Variants in CEP126 observed in about 807,000 individuals in gnomAD.
The protein encoded by CEP126 is centrosomal protein of 126 kDa.
Under a neutral mutation model 107.8 loss-of-function variants are expected in CEP126, and 74 were observed. The ratio of observed to expected loss-of-function variants is 0.69; its 90% CI spans 0.57 to 0.83. The LOEUF (loss-of-function observed/expected upper bound fraction) is 0.83, where lower values mean the gene tolerates loss of function less well. CEP126 is among the 40% of genes least tolerant of loss of function. The pLI is 0.00. For missense variants in CEP126, 1,237 were observed against 1,281.9 expected, an observed-to-expected ratio of 0.96 and a Z score of 0.53; for synonymous variants, 449 against 446.0, an observed-to-expected ratio of 1.01 and a Z score of -0.08.
intron 4 of CEP126, among the ~76,000 whole-genome samples, chr11:101,954,532 T>C (rs1305274530): frequency 6.6e-6 from 1 of 152,194 alleles, no homozygotes. Context: ...TTTATAGAAA[T>C]GATCTTCATT....
At position 101,922,707 on chromosome 11, in the gene CEP126, A is replaced by G. The variant is rs147615496; in HGVS notation, c.195A>G (p.Lys65=). Residue 65 remains lysine (K), a synonymous_variant, in exon 2 of 11, where the codon AAA becomes AAG. Transcript: ENST00000263468. The part of the protein sequence containing the change: ...EERQILLQQQ[K]ICRNRARKYF... ...GCCAGATATTACTGCAGCAACAAAA[A>G]ATATGTCGAAATCGAGCACGTAAAT... 6.8e-6 allele frequency: 11 copies of G among 1,612,902 alleles called. No homozygotes were observed. In the African/African-American group the frequency reaches 9.3e-5, roughly 14 times the overall value.
rs1213128990 is a variant in CEP126, at chr11:101,998,509, A to C, written c.*866A>C. The C allele has an allele frequency of 7.4e-6, 1 of 135,074 alleles. No homozygotes were observed. Among genetic ancestry groups the C allele is most frequent in the Non-Finnish European group, 1.5e-5 (1 of 65,642 alleles). The allele number at this position is 135,074 out of a possible 1,614,324, so 8.4% of individuals were successfully genotyped here. ...AGGATTACTTGAGCCCAGGAGGATT[A>C]CTTCAACCTGGGAGGTTGAGGCTGC... is the stretch of plus-strand genomic sequence containing the variant. On this transcript the variant is annotated 3_prime_UTR_variant, in exon 11 of 11. Transcript: ENST00000263468.
Position 101,968,360 on chromosome 11 carries a change from G to T in CEP126, c.2845+4480G>T, listed in dbSNP as rs79293687. On this transcript the variant is annotated intron_variant, in intron 6 of 10. Transcript: ENST00000263468. ...ATATATCTTCATGCTTGTTTCCTTT[G>T]AGATAAAACTTAAATATATAAGTTA... Among the ~76,000 whole-genome samples the T allele has an allele frequency of 6.5e-3, 986 of 152,172 alleles. 11 individuals carry two copies. Among genetic ancestry groups the T allele is most frequent in the African/African-American group, 0.023 (935 of 41,506 alleles).
chr11:101,934,048 A>C (rs1940541722), intron 2 of CEP126, among the ~76,000 whole-genome samples: 1 of 151,990 alleles, frequency 6.6e-6, no homozygotes, highest in South Asian at 2.1e-4. Flanking sequence ...ACAAAGGACA[A>C]GGTATCATCT....
At chr11:101,997,456 G>A (rs1012128304) in intron 10 of CEP126, 143 bp from the exon 11 acceptor site, 15 of 1,257,104 alleles carry the variant, frequency 1.2e-5, no homozygotes, top group Non-Finnish European at 1.5e-5. Flanking sequence ...AATCTATAAA[G>A]TCCTCTGCAA....
At position 101,925,855 on chromosome 11, in the gene CEP126, A is replaced by C. The variant is rs1265693703; in HGVS notation, c.248+3095A>C. Among the ~76,000 whole-genome samples, 5 of 147,304 alleles carry C rather than the reference A, an allele frequency of 3.4e-5. No individual in the cohort carries two copies. In the East Asian group the frequency reaches 6.3e-4, roughly 18 times the overall value. On this transcript the variant is annotated intron_variant, in intron 2 of 10. Transcript: ENST00000263468. ...TTTTTAGTAAAGACGGGGTTTCGCC[A>C]CGTTGGCCAGGCTGGTCTCGAACTC...
chr11:101,920,788 T>G (rs879535858), intron 1 of CEP126, among the ~76,000 whole-genome samples: 4 of 152,060 alleles, frequency 2.6e-5, no homozygotes, highest in Non-Finnish European at 5.9e-5. Flanking sequence ...GCATTTTTTG[T>G]AGAGCCGGGG....
At chr11:101,960,057 A>G (rs1232648622) in intron 5 of CEP126, among the ~76,000 whole-genome samples, 1 of 152,234 alleles carries the variant, frequency 6.6e-6, no homozygotes, top group Non-Finnish European at 1.5e-5. Flanking sequence ...ACAAACTCCA[A>G]GAAGGATAAG....
At position 101,958,337 on chromosome 11, in the gene CEP126, C is replaced by A; in HGVS notation, c.676C>A (p.Leu226Ile). 6.2e-7 allele frequency: 1 copy of A among 1,613,862 alleles called. No homozygotes were observed. The change falls in exon 5 of 11, where the codon CTC becomes ATC. Residue 226 changes from leucine to isoleucine, a missense_variant. Leu to Ile is a conservative substitution (Grantham distance 5, BLOSUM62 2). Transcript: ENST00000263468. ...QLKLEETQKL[L>I]EDQHLSNLQK... ...TAAACTGGAGGAAACTCAGAAACTC[C>A]TCGAAGATCAACATCTAAGCAATTT... is the stretch of plus-strand genomic sequence containing the variant.
At chr11:101,988,890 T>C (rs1347312561) in intron 9 of CEP126, among the ~76,000 whole-genome samples, 1 of 152,098 alleles carries the variant, frequency 6.6e-6, no homozygotes, top group East Asian at 1.9e-4. Flanking sequence ...GCCTCAAATA[T>C]ATAAAATATT....
chr11:101,958,141 T>C (rs1225823870), intron 4 of CEP126, 27 bp from the exon 5 acceptor site: 7 of 1,597,758 alleles, frequency 4.4e-6, no homozygotes, highest in Non-Finnish European at 6.0e-6. Flanking sequence ...TTAAATGTAC[T>C]AAGCACTTTT....
At chr11:101,949,145 A>G (rs554445551) in intron 4 of CEP126, among the ~76,000 whole-genome samples, 2 of 152,330 alleles carry the variant, frequency 1.3e-5, no homozygotes, top group Non-Finnish European at 2.9e-5. Flanking sequence ...GGGCAATCAA[A>G]AGCATGATAT....
chr11:101,931,510 T>C lies in CEP126; in HGVS notation c.248+8750T>C, dbSNP rs557388494. Among the ~76,000 whole-genome samples the C allele has an allele frequency of 4.6e-5, 7 of 152,358 alleles. No homozygotes were observed. In the East Asian group the frequency reaches 1.3e-3, roughly 29 times the overall value. ...ATTATAGGCATATTGTTGGCATTAT[T>C]ATTTGTTAAAAATGGTATTTTTCAT... On this transcript the variant is annotated intron_variant, in intron 2 of 10. Transcript: ENST00000263468.
chr11:101,965,221 T>C (rs1162414053), intron 6 of CEP126, among the ~76,000 whole-genome samples: 2 of 152,166 alleles, frequency 1.3e-5, no homozygotes, highest in Non-Finnish European at 2.9e-5. Context: ...TATTGAGAAA[T>C]AGTTAGGACT....
chr11:101,939,396 G>A (rs1453719931), intron 2 of CEP126, among the ~76,000 whole-genome samples: 7 of 152,140 alleles, frequency 4.6e-5, no homozygotes, highest in East Asian at 1.9e-4. Context: ...AAATTTGTCT[G>A]GTATTAATAT....
At chr11:101,921,479 G>A (rs1167951404) in intron 1 of CEP126, among the ~76,000 whole-genome samples, 1 of 152,052 alleles carries the variant, frequency 6.6e-6, no homozygotes, top group African/African-American at 2.4e-5. Flanking sequence ...GGCCGAGGCA[G>A]GTGGATCACC....
chr11:101,994,838 C>T (rs895519898), intron 10 of CEP126, among the ~76,000 whole-genome samples: 5 of 150,768 alleles, frequency 3.3e-5, no homozygotes, highest in East Asian at 1.9e-4. Flanking sequence ...AAGTGTACAT[C>T]GGTAAGTATC....
At chr11:101,971,624 G>A (rs968506760) in intron 6 of CEP126, among the ~76,000 whole-genome samples, 1 of 152,144 alleles carries the variant, frequency 6.6e-6, no homozygotes, top group African/African-American at 2.4e-5. Context: ...TTCCTGGGCT[G>A]AGAGCTCCTC....
intron 1 of CEP126, among the ~76,000 whole-genome samples, chr11:101,920,989 T>TA (rs1291692321): frequency 2.6e-5 from 4 of 152,192 alleles, no homozygotes; most frequent in Non-Finnish European, 1.5e-5. Flanking sequence ...TTGATAAAGA[T>TA]ACTTAATAAT....
Sources: gnomAD v4.1 joint callset for allele counts (sites outside exome capture counted in the v4.1 genomes callset) on GRCh38, gnomAD v4.1.1 for gene constraint, MANE v1.5 for transcripts, NCBI Gene and HGNC (gene_info 2026-07-23, HGNC 2026-07-21) for gene names.